The following BANP variants were observed in gnomAD, a reference collection of about 807,000 sequenced individuals.
The protein encoded by BANP is protein BANP.
BANP carries 11 observed loss-of-function variants against 68.1 expected under a neutral mutation model. The observed-to-expected ratio is 0.16, with a 90% confidence interval of 0.10 to 0.27. BANP has a LOEUF of 0.27. Among genes scored for constraint, BANP ranks in the 10% least tolerant of loss-of-function variants. The pLI, the probability that BANP is intolerant of heterozygous loss-of-function variation, is 1.00. For synonymous variants in BANP, 329 were observed against 303.2 expected (o/e 1.09, Z -0.88); for missense variants, 504 against 722.7 (o/e 0.70, Z 3.47).
intron 5 of BANP, among the ~76,000 whole-genome samples, chr16:88,005,055 C>T (rs2070591417): frequency 6.6e-6 from 1 of 152,194 alleles, no homozygotes; most frequent in South Asian, 2.1e-4. Flanking sequence ...TTTGCTTTTT[C>T]TCTCAGTCTC....
intron 11 of BANP, among the ~76,000 whole-genome samples, chr16:88,042,751 C>G (rs971135186): frequency 7.0e-6 from 1 of 142,874 alleles, no homozygotes; most frequent in African/African-American, 2.5e-5. Flanking sequence ...GACCCTGTCT[C>G]TACAGAAAAA....
intron 7 of BANP, among the ~76,000 whole-genome samples, chr16:88,025,175 A>T (rs1342816268): frequency 6.6e-6 from 1 of 152,180 alleles, no homozygotes; most frequent in Non-Finnish European, 1.5e-5. Flanking sequence ...GCTGCTTTGT[A>T]TCTAAAATCA....
intron 1 of BANP, among the ~76,000 whole-genome samples, chr16:87,960,797 AT>A (rs1361790412): frequency 1.3e-5 from 2 of 152,260 alleles, no homozygotes; most frequent in African/African-American, 2.4e-5. Context: ...CTATAAAAAA[AT>A]AATTTACAGA....
In BANP at chr16:88,022,415, G is replaced by T. The variant is rs1598531963; in HGVS notation, c.895+3748G>T. 2.0e-5 allele frequency among the ~76,000 whole-genome samples: 3 copies of T among 152,344 alleles called. No individual in the cohort carries two copies. The South Asian group carries it at 6.2e-4, about 32-fold the overall frequency. ...CCTCCTAGCAGTTACGGAAAGACTGGATTCATTTGCACAAGGTAAAAAGTT... is the reference window on the plus strand; with the variant it reads ...CCTCCTAGCAGTTACGGAAAGACTGTATTCATTTGCACAAGGTAAAAAGTT... On this transcript the variant is annotated intron_variant, in intron 7 of 13. Transcript: ENST00000682872.
intron 11 of BANP, among the ~76,000 whole-genome samples, chr16:88,055,919 G>A (rs982269755): frequency 1.3e-5 from 2 of 152,244 alleles, no homozygotes; most frequent in Admixed American, 6.5e-5. Context: ...GGTGGAAAAT[G>A]TAATTTAAAT....
At chr16:88,035,702 C>T (rs1258513303) in intron 10 of BANP, among the ~76,000 whole-genome samples, 2 of 152,222 alleles carry the variant, frequency 1.3e-5, no homozygotes, top group Non-Finnish European at 2.9e-5. Flanking sequence ...CTGGCCCTGC[C>T]CTTCCTGCCA....
At chr16:87,964,546 G>A (rs545095461) in intron 1 of BANP, among the ~76,000 whole-genome samples, 1 of 152,366 alleles carries the variant, frequency 6.6e-6, no homozygotes, top group African/African-American at 2.4e-5. Flanking sequence ...CCGAGTGAGC[G>A]TGGCGGGGAG....
chr16:87,963,582 G>C (rs2059564666), intron 1 of BANP: 2 of 152,218 alleles, frequency 1.3e-5, no homozygotes, highest in Admixed American at 1.3e-4. Context: ...GTCCAAATCA[G>C]ATGCAGCCTT....
chr16:88,008,073 C>T (rs1327280318), intron 6 of BANP, among the ~76,000 whole-genome samples: 1 of 152,202 alleles, frequency 6.6e-6, no homozygotes, highest in East Asian at 1.9e-4. Flanking sequence ...TCATCTCCGT[C>T]CTCGTGGATG....
At chr16:87,953,761 C>A (rs60122275) in intron 1 of BANP, among the ~76,000 whole-genome samples, 27,031 of 152,164 alleles carry the variant, frequency 0.18, 3,206 homozygotes, top group East Asian at 0.49. Context: ...AGTGTCAGGT[C>A]CCCTTTCTCC....
chr16:88,065,154 C>A (rs1038466894), intron 11 of BANP, 113 bp from the exon 12 acceptor site: 3 of 590,542 alleles, frequency 5.1e-6, no homozygotes, highest in Non-Finnish European at 6.1e-6. Flanking sequence ...CCACAGACCC[C>A]GTGGCTTTAC....
intron 4 of BANP, among the ~76,000 whole-genome samples, chr16:87,999,392 G>A (rs547106771): frequency 1.5e-4 from 20 of 135,596 alleles, no homozygotes; most frequent in African/African-American, 5.1e-4. Context: ...ACGCACGTGC[G>A]CGGCTGGACT....
chr16:88,076,533 CT>C, intron 13 of BANP, 56 bp from the exon 14 acceptor site: 1 of 1,492,622 alleles, frequency 6.7e-7, no homozygotes, highest in East Asian at 2.3e-5. Flanking sequence ...ATGACACCCC[CT>C]GGCCATGCAG....
At chr16:88,026,830 C>T (rs1258399703) in intron 7 of BANP, among the ~76,000 whole-genome samples, 2 of 152,232 alleles carry the variant, frequency 1.3e-5, no homozygotes, top group Non-Finnish European at 2.9e-5. Context: ...AGTAACAATA[C>T]ACACCTGAAT....
At chr16:88,058,669 C>G (rs966370208) in intron 11 of BANP, among the ~76,000 whole-genome samples, 1 of 152,066 alleles carries the variant, frequency 6.6e-6, no homozygotes, top group African/African-American at 2.4e-5. Flanking sequence ...TGTGTCCTGC[C>G]CCGGGGTTTG....
Position 87,957,807 on chromosome 16 carries a change from G to T in BANP, c.-69+6292G>T, listed in dbSNP as rs999228102. Among the ~76,000 whole-genome samples the T allele has an allele frequency of 6.6e-6, 1 of 152,206 alleles. No homozygotes were observed. The highest frequency in any genetic ancestry group is 1.5e-5 in the Non-Finnish European group (1 of 68,044). ...TTCACCAGATGACGCGGGGGGAATT[G>T]GGCCACGGTCCCTGCTGTCATCATG... On this transcript the variant is annotated intron_variant, in intron 1 of 13. Transcript: ENST00000682872. The surrounding 1 kb of genome is among the most constrained non-coding windows in gnomAD (Gnocchi z 4.3).
intron 1 of BANP, among the ~76,000 whole-genome samples, chr16:87,962,040 G>T (rs1280645490): frequency 1.3e-5 from 2 of 152,024 alleles, no homozygotes; most frequent in African/African-American, 4.8e-5. Flanking sequence ...TGGAGTTCAA[G>T]ACCAGCCTGC....
At chr16:87,966,436 T>G (rs1215474006) in intron 1 of BANP, among the ~76,000 whole-genome samples, 3 of 152,240 alleles carry the variant, frequency 2.0e-5, no homozygotes, top group Non-Finnish European at 4.4e-5. Context: ...TTTGCCAAAA[T>G]AGCAACCACA....
chr16:87,988,391 G>T (rs939903339), intron 4 of BANP, among the ~76,000 whole-genome samples: 46 of 151,940 alleles, frequency 3.0e-4, no homozygotes, highest in African/African-American at 1.1e-3. Flanking sequence ...AGCCTCCTGA[G>T]TAGCTGGGAT....
Sources: gnomAD v4.1 joint callset for allele counts (sites outside exome capture counted in the v4.1 genomes callset) on GRCh38, gnomAD v4.1.1 for gene constraint, Gnocchi (gnomAD v3.1) non-coding constraint, MANE v1.5 for transcripts, NCBI Gene and HGNC (gene_info 2026-07-23, HGNC 2026-07-21) for gene names.